UVSSA: variants seen among roughly 807,000 people sequenced by gnomAD.
UVSSA encodes UV stimulated scaffold protein A.
In UVSSA, 72 loss-of-function variants were observed where a neutral mutation model predicts 73.9. The ratio of observed to expected loss-of-function variants is 0.97; its 90% CI spans 0.81 to 1.19. The LOEUF (loss-of-function observed/expected upper bound fraction) is 1.19. Ranked by LOEUF, UVSSA falls within the 50% of genes most tolerant of loss-of-function variation. The pLI is 0.00. For missense variants in UVSSA, 1,150 were observed against 965.0 expected (o/e 1.19, Z -2.54); for synonymous variants, 454 against 391.3 (o/e 1.16, Z -1.89).
intron 10 of UVSSA, among the ~76,000 whole-genome samples, chr4:1,377,439 CAG>C (rs1275625561): frequency 1.3e-5 from 2 of 152,164 alleles, no homozygotes; most frequent in Non-Finnish European, 2.9e-5. Flanking sequence ...AGATTAGGGA[CAG>C]TGTGAGGAGG....
intron 8 of UVSSA, among the ~76,000 whole-genome samples, chr4:1,366,819 CA>C (rs1717390799): frequency 6.6e-6 from 1 of 152,214 alleles, no homozygotes; most frequent in Admixed American, 6.5e-5. Flanking sequence ...ACACCCAGCA[CA>C]CCGGCCTGCT....
chr4:1,349,060 G>GTA, intron 2 of UVSSA, among the ~76,000 whole-genome samples: 7 of 46,706 alleles, frequency 1.5e-4, no homozygotes, highest in Non-Finnish European at 2.3e-4. Flanking sequence ...CGGGCGGTTG[G>GTA]CGTTTGTGCC....
chr4:1,383,446 G>A (rs1370742177), intron 12 of UVSSA, among the ~76,000 whole-genome samples: 1 of 152,198 alleles, frequency 6.6e-6, no homozygotes, highest in African/African-American at 2.4e-5. Flanking sequence ...GCCCATGGGT[G>A]CCCTAGGAGT....
At chr4:1,349,958 G>A (rs1334366061) in intron 3 of UVSSA, 104 bp downstream of exon 3, 2 of 1,143,352 alleles carry the variant, frequency 1.7e-6, no homozygotes, top group Non-Finnish European at 2.4e-6. Flanking sequence ...AGCACAGCAG[G>A]GGCCTGCTTG....
chr4:1,377,193 G>A (rs889524886), intron 10 of UVSSA, among the ~76,000 whole-genome samples: 10 of 152,178 alleles, frequency 6.6e-5, no homozygotes, highest in Admixed American at 1.3e-4. Context: ...GAGGAGCACC[G>A]TGTGCCCAGG....
chr4:1,395,438 G>T (rs1720523242), exon 14 of UVSSA: 8 of 1,582,754 alleles, frequency 5.1e-6, no homozygotes, highest in Non-Finnish European at 6.9e-6. Flanking sequence ...GACGTGGAGT[G>T]CCCGCCTGCT....
intron 8 of UVSSA, chr4:1,375,160 C>T (rs574750142): frequency 8.9e-5 from 67 of 753,578 alleles, no homozygotes; most frequent in African/African-American, 8.4e-4. Flanking sequence ...CCCCGACGCA[C>T]GCCATGTTCT....
At position 1,379,731 on chromosome 4, in the gene UVSSA, C is replaced by T. The variant is rs977576131; in HGVS notation, c.1569-316C>T. 4.6e-5 allele frequency among the ~76,000 whole-genome samples: 7 copies of T among 151,480 alleles called. No homozygotes were observed. In the South Asian group the frequency reaches 6.3e-4, roughly 14 times the overall value. On this transcript the variant is annotated intron_variant, in intron 10 of 13. Transcript: ENST00000389851. ...GAGAGCCCATCTTGCAGGTGGCAGT[C>T]GTGCCCGTGGTCGCGCGGCTGGTTC... is the stretch of plus-strand genomic sequence containing the variant.
Position 1,353,241 on chromosome 4 carries a change from T to TA in UVSSA, c.763dup (p.Arg255LysfsTer25). 1 of 1,611,786 alleles carries TA rather than the reference T, an allele frequency of 6.2e-7. No homozygotes were observed. Among genetic ancestry groups the TA allele is most frequent in the South Asian group, 1.1e-5 (1 of 91,062 alleles). The stretch of plus-strand genomic sequence containing the variant: ...GGGACGGGGAGCAGCCCTGCTGCAG[T>TA]AGAGACCTGCCTGCCTCTGCAGGCC... On this transcript the variant is annotated frameshift_variant, in exon 5 of 14. Coordinates refer to ENST00000389851, the MANE Select transcript of UVSSA (RefSeq NM_020894.4). LOFTEE classifies it high-confidence loss of function.
At chr4:1,350,786 A>G (rs987153202) in intron 3 of UVSSA, among the ~76,000 whole-genome samples, 2 of 149,336 alleles carry the variant, frequency 1.3e-5, no homozygotes, top group Non-Finnish European at 3.0e-5. Context: ...AAAAAAAACT[A>G]CTGTGAACTT....
rs1481549184 is a variant in UVSSA, at chr4:1,354,970, C to T, written c.1047+123C>T. 15 of 1,527,662 alleles carry T rather than the reference C, an allele frequency of 9.8e-6. No individual in the cohort carries two copies. In the South Asian group the frequency reaches 1.1e-4, roughly 11 times the overall value. The allele number at this position is 1,527,662 out of a possible 1,614,324, so 94.6% of individuals were successfully genotyped here. ...GAATGGCCCTTAACCCGCGAGGGCT[C>T]TGTCCCTCACCCGCAGCTTTGTCCT... On this transcript the variant is annotated intron_variant, in intron 6 of 13. Transcript: ENST00000389851.
At chr4:1,393,623 G>T (rs920778103) in exon 14 of UVSSA, 3 of 146,224 alleles carry the variant, frequency 2.1e-5, no homozygotes, top group Non-Finnish European at 4.6e-5. Flanking sequence ...GATAGGATAA[G>T]ATAAGATAGA....
At chr4:1,391,444 G>A (rs921403536), downstream of UVSSA, 1 of 152,084 alleles carries the variant, frequency 6.6e-6, no homozygotes, top group Admixed American at 6.6e-5. Flanking sequence ...CTTCAGTTTT[G>A]TCAGCTTTTG....
intron 5 of UVSSA, among the ~76,000 whole-genome samples, chr4:1,354,338 G>A (rs1026976817): frequency 6.6e-6 from 1 of 152,146 alleles, no homozygotes; most frequent in Non-Finnish European, 1.5e-5. Flanking sequence ...GAGAGGCCGG[G>A]GGGGTGGGGG....
At position 1,354,745 on chromosome 4, in the gene UVSSA, G is replaced by A. The variant is rs779493804; in HGVS notation, c.945G>A (p.Lys315=). ...LDVELCSEGL[K]VQENEDNLAL... is the part of the protein sequence containing the mutation. ...TGTGCTTCTCCCCAGAGGGCCTGAAGGTGCAGGAGAACGAGGACAACCTTG... is the reference window on the plus strand; with the variant it reads ...TGTGCTTCTCCCCAGAGGGCCTGAAAGTGCAGGAGAACGAGGACAACCTTG... Residue 315 remains lysine (K), a synonymous_variant, in exon 6 of 14, where the codon AAG becomes AAA. Transcript: ENST00000389851. 1.5e-5 allele frequency: 24 copies of A among 1,613,478 alleles called. No homozygotes were observed. The highest frequency in any genetic ancestry group is 1.8e-5 in the Non-Finnish European group (21 of 1,179,894).
intron 3 of UVSSA, among the ~76,000 whole-genome samples, chr4:1,350,516 C>G (rs892765016): frequency 1.1e-4 from 16 of 152,258 alleles, no homozygotes; most frequent in African/African-American, 3.9e-4. Flanking sequence ...AACAAGCACA[C>G]TGCTCTCCTA....
chr4:1,364,973 C>T (rs1180574015), intron 7 of UVSSA, among the ~76,000 whole-genome samples: 1 of 152,178 alleles, frequency 6.6e-6, no homozygotes, highest in Non-Finnish European at 1.5e-5. Context: ...CTGGGGGCTG[C>T]GTGCGAGCTC....
exon 14 of UVSSA, chr4:1,394,272 A>G (rs567091548): frequency 9.3e-5 from 73 of 784,362 alleles, no homozygotes; most frequent in Non-Finnish European, 1.3e-4. Context: ...TCTTCCTTTC[A>G]TGAGTTATGT....
chr4:1,361,608 C>T (rs893361494), intron 7 of UVSSA, among the ~76,000 whole-genome samples: 24 of 152,358 alleles, frequency 1.6e-4, no homozygotes, highest in Admixed American at 7.8e-4. Flanking sequence ...CTCCGCCCTC[C>T]GTCCTCTCAA....
Sources: gnomAD v4.1 joint callset for allele counts (sites outside exome capture counted in the v4.1 genomes callset) on GRCh38, gnomAD v4.1.1 for gene constraint, MANE v1.5 for transcripts, NCBI Gene and HGNC (gene_info 2026-07-23, HGNC 2026-07-21) for gene names.